The following COX16 variants were observed in gnomAD, a reference collection of about 807,000 sequenced individuals.
COX16 encodes the protein cytochrome c oxidase assembly protein COX16 homolog, mitochondrial.
A neutral mutation model predicts 15.4 loss-of-function variants in COX16; 12 were observed. The observed-to-expected ratio is 0.78, with a 90% CI of 0.50 to 1.26. The LOEUF (loss-of-function observed/expected upper bound fraction) is 1.26, where lower values mean the gene tolerates loss of function less well. COX16 is among the 50% of genes most tolerant of loss of function. The pLI, the probability that COX16 is intolerant of heterozygous loss-of-function variation, is 0.00. For synonymous variants in COX16, 46 were observed against 41.1 expected (o/e 1.12, Z -0.46); for missense variants, 124 against 127.6 (o/e 0.97, Z 0.14).
intron 1 of COX16, chr14:70,359,262 A>G (rs976644651): frequency 8.4e-6 from 5 of 592,620 alleles, no homozygotes; most frequent in Admixed American, 6.5e-5. Flanking sequence ...CGACGATGGG[A>G]AAGACGCCAC....
chr14:70,327,576 C>A (rs376680413), intron 3 of COX16, among the ~76,000 whole-genome samples: 2 of 151,674 alleles, frequency 1.3e-5, no homozygotes, highest in Non-Finnish European at 2.9e-5. Context: ...CATGAAGGAA[C>A]AAAATTCAAC....
chr14:70,339,719 CCT>C (rs1373375428), intron 2 of COX16, among the ~76,000 whole-genome samples: 5 of 152,168 alleles, frequency 3.3e-5, no homozygotes, highest in Admixed American at 2.0e-4. Flanking sequence ...ATTACCTCAT[CCT>C]CTCTACCTAA....
intron 1 of COX16, among the ~76,000 whole-genome samples, chr14:70,354,833 TGTGTGTGC>T (rs1345771102): frequency 3.8e-5 from 3 of 79,306 alleles, no homozygotes; most frequent in Admixed American, 1.4e-4. Context: ...GCATAGAGTG[TGTGTGTGC>T]GTGTGTGTGT....
intron 2 of COX16, among the ~76,000 whole-genome samples, chr14:70,336,724 T>C (rs2140703649): frequency 6.6e-6 from 1 of 152,328 alleles, no homozygotes; most frequent in East Asian, 1.9e-4. Context: ...TTAGTGCTAA[T>C]TTTGATTGTG....
At chr14:70,356,024 A>C (rs1197106476) in intron 1 of COX16, among the ~76,000 whole-genome samples, 1 of 152,032 alleles carries the variant, frequency 6.6e-6, no homozygotes. Flanking sequence ...TGAGGCCCGC[A>C]CCAGAAGCAG....
At chr14:70,343,940 C>CA (rs1193059744) in intron 1 of COX16, among the ~76,000 whole-genome samples, 1 of 152,090 alleles carries the variant, frequency 6.6e-6, no homozygotes, top group African/African-American at 2.4e-5. Context: ...ATTCAGGGAT[C>CA]AGAGTTTTTA....
chr14:70,356,766 C>CAAT (rs59164902), intron 1 of COX16, among the ~76,000 whole-genome samples: 132,191 of 151,854 alleles, frequency 0.87, 57,598 homozygotes, highest in East Asian at 0.93. Context: ...TCCACAAAAA[C>CAAT]GAGAATATTT....
At chr14:70,354,841 C>CGTGCGTGTGTGTGTGTGT (rs144038416) in intron 1 of COX16, among the ~76,000 whole-genome samples, 3 of 148,982 alleles carry the variant, frequency 2.0e-5, no homozygotes, top group African/African-American at 7.5e-5. Flanking sequence ...TGTGTGTGTG[C>CGTGCGTGTGTGTGTGTGT]GTGTGTGTGT....
At chr14:70,346,999 TTTACC>T (rs1373143736) in intron 1 of COX16, among the ~76,000 whole-genome samples, 4 of 152,028 alleles carry the variant, frequency 2.6e-5, no homozygotes, top group Non-Finnish European at 5.9e-5. Flanking sequence ...AACATGCAAC[TTTACC>T]TTATCCCCCA....
At chr14:70,352,159 G>A (rs1421089328) in intron 1 of COX16, among the ~76,000 whole-genome samples, 2 of 152,084 alleles carry the variant, frequency 1.3e-5, no homozygotes, top group African/African-American at 2.4e-5. Flanking sequence ...CTTACGTGTA[G>A]TATATAATAC....
chr14:70,326,551 G>A (rs1043418378), intron 3 of COX16, 102 bp from the exon 4 acceptor site: 75 of 776,062 alleles, frequency 9.7e-5, no homozygotes, highest in Non-Finnish European at 1.2e-4. Context: ...GAAAGTATCC[G>A]ATAGGTCCTC....
intron 1 of COX16, among the ~76,000 whole-genome samples, chr14:70,350,626 AAC>A (rs1306039659): frequency 2.6e-5 from 4 of 152,226 alleles, no homozygotes; most frequent in Admixed American, 1.3e-4. Context: ...TAAAAACAAC[AAC>A]ACACAAATGA....
chr14:70,351,101 A>G (rs2140744064), intron 1 of COX16, among the ~76,000 whole-genome samples: 1 of 152,320 alleles, frequency 6.6e-6, no homozygotes, highest in South Asian at 2.1e-4. Flanking sequence ...TGAAAGGGGT[A>G]GGGAGCCCTC....
intron 2 of COX16, among the ~76,000 whole-genome samples, chr14:70,341,735 C>T (rs931740583): frequency 4.6e-5 from 7 of 152,198 alleles, no homozygotes; most frequent in African/African-American, 1.7e-4. Context: ...TTTCAACGTA[C>T]GTTTCTTTTA....
At chr14:70,337,408 G>C (rs924498115) in intron 2 of COX16, among the ~76,000 whole-genome samples, 1 of 152,056 alleles carries the variant, frequency 6.6e-6, no homozygotes, top group Non-Finnish European at 1.5e-5. Context: ...ATTAACTGAA[G>C]TCAAGCCAGG....
At chr14:70,341,829 C>T (rs1463125373) in intron 2 of COX16, among the ~76,000 whole-genome samples, 1 of 151,806 alleles carries the variant, frequency 6.6e-6, no homozygotes, top group African/African-American at 2.4e-5. Context: ...AAGACATAAC[C>T]CCATTATAAG....
At chr14:70,334,045 A>C (rs763956802) in intron 2 of COX16, among the ~76,000 whole-genome samples, 36 of 152,218 alleles carry the variant, frequency 2.4e-4, no homozygotes, top group Non-Finnish European at 4.0e-4. Flanking sequence ...AAGCAGAGGG[A>C]ATTTATTGTT....
intron 1 of COX16, among the ~76,000 whole-genome samples, chr14:70,349,428 C>G (rs1281223506): frequency 6.6e-6 from 1 of 152,226 alleles, no homozygotes; most frequent in Non-Finnish European, 1.5e-5. Context: ...AAACTCTCAT[C>G]ATGCATATAA....
Position 70,326,801 on chromosome 14 carries a change from CA to C in COX16, c.205-353del, listed in dbSNP as rs1168309295. On this transcript the variant is annotated intron_variant, in intron 3 of 3. Coordinates refer to ENST00000389912, the MANE Select transcript of COX16 (RefSeq NM_016468.7). ...CCAGCACAGTGACTGAAAGGGTTAT[CA>C]GGGATGATGGTAGAAAATAAGAAGA... 2.6e-5 allele frequency among the ~76,000 whole-genome samples: 4 copies of C among 152,026 alleles called. No homozygotes were observed. In the East Asian group the frequency reaches 7.7e-4, roughly 29 times the overall value.
Sources: gnomAD v4.1 joint callset for allele counts (sites outside exome capture counted in the v4.1 genomes callset) on GRCh38, gnomAD v4.1.1 for gene constraint, MANE v1.5 for transcripts, NCBI Gene and HGNC (gene_info 2026-07-23, HGNC 2026-07-21) for gene names.